Variants in ITGAV observed in about 807,000 individuals in gnomAD.
The protein encoded by ITGAV is integrin subunit alpha V, also known as integrin alpha-V.
In ITGAV, 76 loss-of-function variants were observed where a neutral mutation model predicts 143.8. The observed-to-expected ratio is 0.53, with a 90% CI of 0.44 to 0.64. The LOEUF is 0.64. Among genes scored for constraint, ITGAV ranks in the 30% least tolerant of loss-of-function variants. ITGAV has a pLI of 0.00. For synonymous variants in ITGAV, 453 were observed against 446.7 expected (o/e 1.01, Z -0.18); for missense variants, 1,193 against 1,274.7 (o/e 0.94, Z 0.98).
In ITGAV at chr2:186,665,107, T is replaced by G. The variant is rs1472636795; in HGVS notation, c.2074-19T>G. The G allele has an allele frequency of 1.4e-6, 2 of 1,427,974 alleles. 1 individual carries two copies. The highest frequency in any genetic ancestry group is 2.5e-5 in the South Asian group (2 of 79,938). The allele number at this position is 1,427,974 out of a possible 1,614,324, so 88.5% of individuals were successfully genotyped here. A position where few individuals can be genotyped will look rare whatever the true frequency, so the allele number is the denominator to read the frequency against. ...TTCCTTTCATATCCATTTTTTTTTTTTTTTTTGGTCTATCAAAGGCCTTAG... is the reference window on the plus strand; with the variant it reads ...TTCCTTTCATATCCATTTTTTTTTTGTTTTTTGGTCTATCAAAGGCCTTAG... On this transcript the variant is annotated intron_variant, in intron 20 of 29. Coordinates refer to ENST00000261023, the MANE Select transcript of ITGAV (RefSeq NM_002210.5).
intron 2 of ITGAV, among the ~76,000 whole-genome samples, chr2:186,606,470 T>C (rs1687068501): frequency 6.6e-6 from 1 of 152,188 alleles, no homozygotes; most frequent in Non-Finnish European, 1.5e-5. Flanking sequence ...TCTAAAGTGC[T>C]TAGGACAGGG....
chr2:186,651,742 T>A (rs1163313552), intron 14 of ITGAV, among the ~76,000 whole-genome samples: 2 of 152,334 alleles, frequency 1.3e-5, no homozygotes, highest in East Asian at 3.9e-4. Context: ...TGTCCCACTT[T>A]GTCTGGAACT....
At chr2:186,676,688 A>C in intron 28 of ITGAV, 125 bp from the exon 29 acceptor site, 1 of 1,057,268 alleles carries the variant, frequency 9.5e-7, no homozygotes, top group East Asian at 2.7e-5. Flanking sequence ...GAAACCACTA[A>C]ATTATCATAT....
chr2:186,634,702 A>G (rs144809272), intron 6 of ITGAV, among the ~76,000 whole-genome samples: 1 of 152,368 alleles, frequency 6.6e-6, no homozygotes, highest in East Asian at 1.9e-4. Flanking sequence ...ATTGGGAAAT[A>G]AAATGATTTA....
intron 6 of ITGAV, among the ~76,000 whole-genome samples, chr2:186,633,678 T>A (rs1687877805): frequency 6.6e-6 from 1 of 152,104 alleles, no homozygotes; most frequent in African/African-American, 2.4e-5. Flanking sequence ...TGATATATAC[T>A]TCTCCATGTC....
intron 20 of ITGAV, 111 bp from the exon 21 acceptor site, chr2:186,665,015 G>A (rs1047839803): frequency 4.2e-6 from 3 of 709,506 alleles, no homozygotes; most frequent in Non-Finnish European, 7.0e-6. Context: ...CTTACCTCCT[G>A]GTTTGCTCAA....
intron 18 of ITGAV, among the ~76,000 whole-genome samples, chr2:186,660,773 TTCTC>T (rs1177096020): frequency 6.6e-6 from 1 of 152,188 alleles, no homozygotes; most frequent in East Asian, 1.9e-4. Flanking sequence ...CAGAAATTGA[TTCTC>T]TCCTAATTTT....
chr2:186,610,343 A>G (rs1054527283), intron 2 of ITGAV, among the ~76,000 whole-genome samples: 2 of 152,158 alleles, frequency 1.3e-5, no homozygotes, highest in African/African-American at 4.8e-5. Flanking sequence ...TTAGATTTGC[A>G]AAAGTTATCT....
intron 1 of ITGAV, among the ~76,000 whole-genome samples, chr2:186,596,514 A>G (rs1223814848): frequency 2.0e-5 from 3 of 151,564 alleles, no homozygotes; most frequent in Non-Finnish European, 4.4e-5. Context: ...CAGTGGCACA[A>G]TCTTGGCTTG....
At chr2:186,642,535 C>CTTTTTTTTTTTTTTTTTTTTT (rs35034170) in intron 12 of ITGAV, among the ~76,000 whole-genome samples, 2 of 113,190 alleles carry the variant, frequency 1.8e-5, no homozygotes, top group African/African-American at 6.9e-5. Context: ...TCTTTTTTTT[C>CTTTTTTTTTTTTTTTTTTTTT]TTTTTTTTTT....
At chr2:186,633,986 C>T (rs965263816) in intron 6 of ITGAV, among the ~76,000 whole-genome samples, 4 of 152,142 alleles carry the variant, frequency 2.6e-5, no homozygotes, top group East Asian at 1.9e-4. Context: ...CAAGATCATA[C>T]GACTGTACTC....
intron 15 of ITGAV, among the ~76,000 whole-genome samples, chr2:186,653,611 T>C (rs1402174846): frequency 6.6e-6 from 1 of 152,230 alleles, no homozygotes; most frequent in East Asian, 1.9e-4. Context: ...TAATATTTGG[T>C]CTTCATTTTT....
chr2:186,613,108 C>T (rs746769404), intron 2 of ITGAV, among the ~76,000 whole-genome samples: 28 of 150,118 alleles, frequency 1.9e-4, no homozygotes, highest in Non-Finnish European at 2.8e-4. Flanking sequence ...CTCACTTTGA[C>T]CTGACTCAAC....
At chr2:186,630,716 T>A in intron 4 of ITGAV, 81 bp from the exon 5 acceptor site, 1 of 763,552 alleles carries the variant, frequency 1.3e-6, no homozygotes, top group Non-Finnish European at 2.3e-6. Flanking sequence ...CTTATGATTC[T>A]AGTGATATCA....
At chr2:186,667,119 T>C in intron 22 of ITGAV, 31 bp from the exon 23 acceptor site, 1 of 1,555,460 alleles carries the variant, frequency 6.4e-7, no homozygotes, top group East Asian at 2.2e-5. Flanking sequence ...TATGCATAAT[T>C]CATTTTTAAG....
In ITGAV at chr2:186,656,802, G is replaced by C. The variant is rs560269802; in HGVS notation, c.1719+401G>C. On this transcript the variant is annotated intron_variant, in intron 17 of 29. Coordinates refer to ENST00000261023, the MANE Select transcript of ITGAV (RefSeq NM_002210.5). ...TGGCAAAGGATGAAGCCTAAGGAGAGGGCAGGTGGTAATTGCAGACACCAG... is the reference window on the plus strand; with the variant it reads ...TGGCAAAGGATGAAGCCTAAGGAGACGGCAGGTGGTAATTGCAGACACCAG... Among the ~76,000 whole-genome samples the C allele has an allele frequency of 2.0e-5, 3 of 152,240 alleles. No individual in the cohort carries two copies. The South Asian group carries it at 6.2e-4, about 32-fold the overall frequency.
chr2:186,669,602 C>A lies in ITGAV; in HGVS notation c.2593-99C>A, dbSNP rs1689006912. The A allele has an allele frequency of 3.9e-6, 3 of 763,434 alleles. No homozygotes were observed. In the South Asian group the frequency reaches 5.3e-5, roughly 13 times the overall value. 47.3% of individuals were successfully genotyped at this position (763,434 alleles called of 1,614,324 possible). On this transcript the variant is annotated intron_variant, in intron 25 of 29. Transcript: ENST00000261023. ...TATTCTGTCATACTAAATTTTCATT[C>A]ACTATTTTTTAATCATATCTAAGAG...
chr2:186,605,903 C>CATATA (rs1687053863), intron 2 of ITGAV, among the ~76,000 whole-genome samples: 4 of 20,590 alleles, frequency 1.9e-4, no homozygotes, highest in East Asian at 1.4e-3. Context: ...ATATGTATAT[C>CATATA]TTTTGTCCCT....
At position 186,679,762 on chromosome 2, in the gene ITGAV, T is replaced by A. The variant is rs200919576; in HGVS notation, c.*2470T>A. ...GAATTGATATTTTGAGAAAAATACA[T>A]GTGAGTCATTTTTTCTGTTTCTCTT... On this transcript the variant is annotated 3_prime_UTR_variant, in exon 30 of 30. Coordinates refer to ENST00000261023, the MANE Select transcript of ITGAV (RefSeq NM_002210.5). 2.6e-5 allele frequency: 4 copies of A among 152,024 alleles called. No homozygotes were observed. The highest frequency in any genetic ancestry group is 2.1e-4 in the South Asian group (1 of 4,832). The allele number at this position is 152,024 out of a possible 1,614,324, so 9.4% of individuals were successfully genotyped here. A position where few individuals can be genotyped will look rare whatever the true frequency, so the allele number is the denominator to read the frequency against.
Sources: allele counts gnomAD v4.1 joint callset (sites outside exome capture counted in the v4.1 genomes callset), GRCh38; gene constraint gnomAD v4.1.1; transcripts MANE v1.5; gene names NCBI Gene and HGNC (gene_info 2026-07-23, HGNC 2026-07-21).